Variants in TBC1D2 observed in about 807,000 individuals in gnomAD.
TBC1D2 encodes TBC1 domain family member 2A.
Under a neutral mutation model 91.1 loss-of-function variants are expected in TBC1D2, and 58 were observed. The observed-to-expected ratio is 0.64, with a 90% CI of 0.52 to 0.79. TBC1D2 has a LOEUF of 0.79. TBC1D2 is among the 30% of genes least tolerant of loss of function. The pLI is 0.00. For missense variants in TBC1D2, 1,080 were observed against 1,208.3 expected, an observed-to-expected ratio of 0.89 and a Z score of 1.57; for synonymous variants, 482 against 511.5, an observed-to-expected ratio of 0.94 and a Z score of 0.78.
intron 5 of TBC1D2, among the ~76,000 whole-genome samples, chr9:98,224,196 C>CA (rs1217448010): frequency 2.3e-3 from 124 of 53,076 alleles, no homozygotes; most frequent in African/African-American, 4.6e-3. Context: ...GACTCCATCT[C>CA]AAAAAAAAAA....
chr9:98,233,439 A>G lies in TBC1D2; in HGVS notation c.758T>C (p.Leu253Ser), dbSNP rs879369. 0.34 allele frequency: 548,422 copies of G among 1,613,652 alleles called. 101,123 individuals carry two copies. Among genetic ancestry groups the G allele is most frequent in the African/African-American group, 0.75 (56,415 of 74,972 alleles). ...ACCTGGGGTGCTGGCGTCAGAGGCC[A>G]AGGGCTGCTCCTCCCTCTGAGGCTC... is the stretch of plus-strand genomic sequence containing the variant. ...SGEPQREEQP[L>S]ASDASTPGRE... Residue 253 changes from leucine (L) to serine (S), a missense_variant, in exon 4 of 13, where the codon TTG becomes TCG. Coordinates refer to ENST00000465784, the MANE Select transcript of TBC1D2 (RefSeq NM_001267571.2).
intron 1 of TBC1D2, among the ~76,000 whole-genome samples, chr9:98,254,191 G>A (rs895845394): frequency 2.0e-5 from 3 of 152,186 alleles, no homozygotes; most frequent in South Asian, 2.1e-4. Context: ...GATGGGGTGG[G>A]GAAGGCTATC....
chr9:98,248,955 G>C (rs1177840198), intron 2 of TBC1D2, among the ~76,000 whole-genome samples: 2 of 152,216 alleles, frequency 1.3e-5, no homozygotes, highest in East Asian at 3.9e-4. Flanking sequence ...CTCAAGAGCA[G>C]TGACGAGACA....
intron 4 of TBC1D2, among the ~76,000 whole-genome samples, chr9:98,231,103 A>C (rs1829356904): frequency 6.6e-6 from 1 of 152,100 alleles, no homozygotes; most frequent in African/African-American, 2.4e-5. Context: ...CTCTGAGGAC[A>C]GGCAGGGCAG....
intron 5 of TBC1D2, among the ~76,000 whole-genome samples, chr9:98,223,883 G>A (rs1452663723): frequency 2.6e-5 from 4 of 152,214 alleles, no homozygotes; most frequent in East Asian, 3.9e-4. Flanking sequence ...TGGATTATAA[G>A]CAATGTCTTA....
At position 98,199,549 on chromosome 9, in the gene TBC1D2, G is replaced by A. The variant is rs1398703992; in HGVS notation, c.2619C>T (p.Phe873=). 5 of 1,614,024 alleles carry A rather than the reference G, an allele frequency of 3.1e-6. No individual in the cohort carries two copies. Among genetic ancestry groups the A allele is most frequent in the East Asian group, 2.2e-5 (1 of 44,890 alleles). ...GCAGCTGCCGCAGCTGTTTCATGCG[G>A]AAGGGGTTCATGTCATTGAAGGCGA... ...MNIAFNDMNP[F]RMKQLRQLRM... Residue 873 remains phenylalanine, a synonymous_variant, in exon 13 of 13, where the codon TTC becomes TTT. Coordinates refer to ENST00000465784, the MANE Select transcript of TBC1D2 (RefSeq NM_001267571.2).
intron 1 of TBC1D2, among the ~76,000 whole-genome samples, chr9:98,253,510 A>G (rs1163358494): frequency 2.6e-5 from 4 of 152,086 alleles, no homozygotes; most frequent in African/African-American, 4.8e-5. Flanking sequence ...TAATTTGCCA[A>G]TTCCCCACCC....
At chr9:98,249,066 C>T (rs974387331) in intron 2 of TBC1D2, among the ~76,000 whole-genome samples, 4 of 152,072 alleles carry the variant, frequency 2.6e-5, no homozygotes, top group Admixed American at 1.3e-4. Context: ...TGGAGGCGGG[C>T]GAGGTGGGGC....
At chr9:98,254,416 T>G (rs56383989) in intron 1 of TBC1D2, among the ~76,000 whole-genome samples, 1,741 of 152,330 alleles carry the variant, frequency 0.011, 15 homozygotes, top group Non-Finnish European at 0.019. Flanking sequence ...AATTTGTACA[T>G]GCCTGTGATG....
intron 8 of TBC1D2, among the ~76,000 whole-genome samples, chr9:98,209,798 T>TTTTC (rs1331435276): frequency 1.4e-5 from 2 of 146,596 alleles, no homozygotes; most frequent in East Asian, 2.0e-4. Flanking sequence ...CTTCCTTTCT[T>TTTTC]TTTCTTTCTT....
chr9:98,208,658 G>T lies in TBC1D2; in HGVS notation c.2150+10C>A. 1.3e-6 allele frequency: 2 copies of T among 1,514,626 alleles called. No individual in the cohort carries two copies. The highest frequency in any genetic ancestry group is 2.7e-5 in the South Asian group (2 of 75,460). The allele number at this position is 1,514,626 out of a possible 1,614,324, so 93.8% of individuals were successfully genotyped here. ...AAAGATCACACCTTCACTGGGCTTTGGTGGCTTACCTGTTCAGGCCCTGGC... is the reference window on the plus strand; with the variant it reads ...AAAGATCACACCTTCACTGGGCTTTTGTGGCTTACCTGTTCAGGCCCTGGC... On this transcript the variant is annotated intron_variant, in intron 9 of 12. Coordinates refer to ENST00000465784, the MANE Select transcript of TBC1D2 (RefSeq NM_001267571.2).
chr9:98,202,419 T>C (rs3780452), intron 10 of TBC1D2, among the ~76,000 whole-genome samples: 83,469 of 152,050 alleles, frequency 0.55, 23,712 homozygotes, highest in African/African-American at 0.72. Flanking sequence ...CTCTCACTTA[T>C]GTCCTCTTCC....
At chr9:98,201,846 A>G (rs1184608927) in intron 10 of TBC1D2, among the ~76,000 whole-genome samples, 182 bp from the exon 11 acceptor site, 1 of 152,172 alleles carries the variant, frequency 6.6e-6, no homozygotes, top group Non-Finnish European at 1.5e-5. Flanking sequence ...CAGGTACAGC[A>G]TCATATCACT....
At chr9:98,211,550 T>C (rs10985454) in intron 7 of TBC1D2, among the ~76,000 whole-genome samples, 15,592 of 152,232 alleles carry the variant, frequency 0.1, 1,004 homozygotes, top group East Asian at 0.21. Flanking sequence ...TTTTGTGAGA[T>C]GGGGACAGTG....
At position 98,255,385 on chromosome 9, in the gene TBC1D2, T is replaced by C; in HGVS notation, c.157A>G (p.Ser53Gly). 1.2e-6 allele frequency: 2 copies of C among 1,614,222 alleles called. No homozygotes were observed. Among genetic ancestry groups the C allele is most frequent in the Non-Finnish European group, 1.7e-6 (2 of 1,180,028 alleles). Residue 53 changes from serine (S) to glycine (G), a missense_variant, in exon 1 of 13, where the codon AGT becomes GGT. Transcript: ENST00000465784. ...AVPKKLCGYL[S>G]KFGGKGPIRG... ...ATGGGCCCTTTGCCGCCGAACTTAC[T>C]TAAATACCCACAGAGTTTCTTGGGG...
At chr9:98,204,147 C>G (rs1320699170) in intron 9 of TBC1D2, among the ~76,000 whole-genome samples, 2 of 152,184 alleles carry the variant, frequency 1.3e-5, no homozygotes, top group Non-Finnish European at 2.9e-5. Flanking sequence ...CTCTACTTCT[C>G]CCATCTTCCC....
At chr9:98,237,102 C>T (rs1829523361) in intron 3 of TBC1D2, among the ~76,000 whole-genome samples, 1 of 151,992 alleles carries the variant, frequency 6.6e-6, no homozygotes, top group Non-Finnish European at 1.5e-5. Context: ...CTTGGGAGGT[C>T]AAGGCGAGTG....
At chr9:98,252,025 T>C (rs981188470) in intron 1 of TBC1D2, 99 bp from the exon 2 acceptor site, 4 of 1,460,092 alleles carry the variant, frequency 2.7e-6, no homozygotes, top group Non-Finnish European at 3.6e-6. Flanking sequence ...GAATGCTTTC[T>C]TTCCCAGGAA....
intron 9 of TBC1D2, among the ~76,000 whole-genome samples, chr9:98,208,184 C>G (rs2119017626): frequency 6.6e-6 from 1 of 152,150 alleles, no homozygotes; most frequent in South Asian, 2.1e-4. Flanking sequence ...GAGCTCTGGC[C>G]CATCTCTGTC....
Sources: gnomAD v4.1 joint callset for allele counts (sites outside exome capture counted in the v4.1 genomes callset) on GRCh38, gnomAD v4.1.1 for gene constraint, MANE v1.5 for transcripts, NCBI Gene and HGNC (gene_info 2026-07-23, HGNC 2026-07-21) for gene names.